The following CAPSL variants were observed in gnomAD, a reference collection of about 807,000 sequenced individuals.
CAPSL encodes calcyphosine like, also known as calcyphosin-like protein.
CAPSL carries 17 observed loss-of-function variants against 21.3 expected under a neutral mutation model. The ratio of observed to expected loss-of-function variants is 0.80; its 90% confidence interval spans 0.55 to 1.20. CAPSL has a LOEUF of 1.20. CAPSL is among the 50% of genes most tolerant of loss of function. The pLI, the probability that CAPSL is intolerant of heterozygous loss-of-function variation, is 0.00. For synonymous variants in CAPSL, 102 were observed against 89.3 expected (o/e 1.14, Z -0.80); for missense variants, 289 against 259.3 (o/e 1.11, Z -0.79).
At chr5:35,920,443 G>A (rs1738507308) in intron 2 of CAPSL, among the ~76,000 whole-genome samples, 2 of 152,270 alleles carry the variant, frequency 1.3e-5, no homozygotes, top group South Asian at 4.1e-4. Context: ...TGGTTTCTCA[G>A]TCCTTAAAAC....
intron 4 of CAPSL, among the ~76,000 whole-genome samples, chr5:35,907,600 T>G (rs1357829874): frequency 1.3e-5 from 2 of 152,164 alleles, no homozygotes; most frequent in African/African-American, 4.8e-5. Context: ...AGTGAGGTAT[T>G]AGTGCAAGAT....
In CAPSL at chr5:35,931,119, T is replaced by C. The variant is rs966990811; in HGVS notation, c.-1+7422A>G. ...CTCTTTGTATTATCTGTTTAATCTG[T>C]TGTTGGTCAGGTCTTCAGTCACTTG... On this transcript the variant is annotated intron_variant, in intron 1 of 4. Transcript: ENST00000651391. Among the ~76,000 whole-genome samples, 4 of 152,350 alleles carry C rather than the reference T, an allele frequency of 2.6e-5. No individual in the cohort carries two copies. The East Asian group carries it at 5.8e-4, about 22-fold the overall frequency.
intron 1 of CAPSL, among the ~76,000 whole-genome samples, chr5:35,931,808 T>G (rs562171255): frequency 6.6e-6 from 1 of 152,366 alleles, no homozygotes; most frequent in South Asian, 2.1e-4. Flanking sequence ...TCAGTGTTTA[T>G]GTGCTTAAGA....
chr5:35,920,472 A>G (rs1171356823), intron 2 of CAPSL, among the ~76,000 whole-genome samples: 1 of 152,172 alleles, frequency 6.6e-6, no homozygotes, highest in Non-Finnish European at 1.5e-5. Flanking sequence ...CTCAGAGGAC[A>G]GAGGGTGGGA....
At chr5:35,915,533 C>A (rs1371580098) in intron 2 of CAPSL, among the ~76,000 whole-genome samples, 2 of 152,168 alleles carry the variant, frequency 1.3e-5, no homozygotes, top group Non-Finnish European at 2.9e-5. Context: ...GGCTTCATCC[C>A]TGGGATGCAA....
At chr5:35,916,507 A>G (rs1033855053) in intron 2 of CAPSL, among the ~76,000 whole-genome samples, 1 of 152,214 alleles carries the variant, frequency 6.6e-6, no homozygotes, top group Admixed American at 6.5e-5. Context: ...TACTGGTACC[A>G]AAACAGAGAT....
chr5:35,910,579 T>G (rs889001675), intron 2 of CAPSL, 36 bp from the exon 3 acceptor site: 1 of 1,458,660 alleles, frequency 6.9e-7, no homozygotes, highest in African/African-American at 1.4e-5. Context: ...AGAAGAAATG[T>G]ACAAATAACA....
intron 1 of CAPSL, among the ~76,000 whole-genome samples, chr5:35,932,722 T>G (rs1738852444): frequency 6.6e-6 from 1 of 152,180 alleles, no homozygotes; most frequent in Non-Finnish European, 1.5e-5. Flanking sequence ...CACAAAACTA[T>G]GTGGAGCATG....
At chr5:35,930,065 A>G (rs1407584010) in intron 1 of CAPSL, among the ~76,000 whole-genome samples, 3 of 152,234 alleles carry the variant, frequency 2.0e-5, no homozygotes, top group Non-Finnish European at 2.9e-5. Flanking sequence ...ATGTATGAAT[A>G]TATGAAACAT....
chr5:35,904,465 T>C lies in CAPSL; in HGVS notation c.*80A>G. On this transcript the variant is annotated 3_prime_UTR_variant, in exon 5 of 5. Coordinates refer to ENST00000651391, the MANE Select transcript of CAPSL (RefSeq NM_001042625.2). ...ACATTAGGATGAGTGTGAAATCAAA[T>C]ACGATTCTGGTTTTTGAGCTGACAT... 9.6e-7 allele frequency: 1 copy of C among 1,039,936 alleles called. No individual in the cohort carries two copies. The highest frequency in any genetic ancestry group is 1.5e-6 in the Non-Finnish European group (1 of 684,646). 64.4% of individuals were successfully genotyped at this position (1,039,936 alleles called of 1,614,324 possible).
chr5:35,912,403 G>C (rs1191905693), intron 2 of CAPSL, among the ~76,000 whole-genome samples: 1 of 152,234 alleles, frequency 6.6e-6, no homozygotes, highest in East Asian at 1.9e-4. Context: ...ATAATGGACA[G>C]ACTGCCTCCT....
intron 1 of CAPSL, among the ~76,000 whole-genome samples, chr5:35,931,771 A>G (rs1291014987): frequency 6.6e-6 from 1 of 152,256 alleles, no homozygotes; most frequent in Non-Finnish European, 1.5e-5. Context: ...AAACCAAGAC[A>G]AAAGAAAAGT....
intron 2 of CAPSL, among the ~76,000 whole-genome samples, chr5:35,919,170 A>ATATATATATAT (rs1554069748): frequency 8.2e-6 from 1 of 121,274 alleles, no homozygotes. Context: ...TAAAAAAAAA[A>ATATATATATAT]ATATATATAT....
intron 1 of CAPSL, among the ~76,000 whole-genome samples, chr5:35,922,973 C>G (rs886105314): frequency 2.6e-5 from 4 of 152,114 alleles, no homozygotes; most frequent in African/African-American, 9.7e-5. Context: ...GCGCCCCATC[C>G]CCACCCCAAC....
chr5:35,915,836 C>T (rs893008084), intron 2 of CAPSL, among the ~76,000 whole-genome samples: 1 of 152,164 alleles, frequency 6.6e-6, no homozygotes, highest in Non-Finnish European at 1.5e-5. Context: ...CACTCCTATT[C>T]AACATAGTGT....
intron 1 of CAPSL, among the ~76,000 whole-genome samples, chr5:35,932,262 T>G (rs577190868): frequency 1.3e-5 from 2 of 152,108 alleles, no homozygotes; most frequent in East Asian, 3.9e-4. Flanking sequence ...CTGAAAATGA[T>G]AGAGATTTAC....
intron 3 of CAPSL, 91 bp downstream of exon 3, chr5:35,910,274 TA>T: frequency 7.2e-7 from 1 of 1,398,010 alleles, no homozygotes; most frequent in Non-Finnish European, 9.8e-7. Flanking sequence ...CACAGTGTAC[TA>T]ACAACTTGTA....
In CAPSL at chr5:35,910,504, A is replaced by G; in HGVS notation, c.177T>C (p.Leu59=). The G allele has an allele frequency of 3.7e-6, 6 of 1,612,080 alleles. No individual in the cohort carries two copies. Among genetic ancestry groups the G allele is most frequent in the Non-Finnish European group, 5.1e-6 (6 of 1,178,712 alleles). The part of the protein sequence containing the change: ...RIMDDDNNRT[L]DFKEFMKGLN... Reference sequence around the variant, plus strand: ...ACCCTTTCATAAATTCTTTAAAATCAAGGGTTCGATTATTATCGTCATCCA... The same window carrying G: ...ACCCTTTCATAAATTCTTTAAAATCGAGGGTTCGATTATTATCGTCATCCA... The change falls in exon 3 of 5, where the codon CTT becomes CTC. Residue 59 remains leucine (L), a synonymous_variant. Coordinates refer to ENST00000651391, the MANE Select transcript of CAPSL (RefSeq NM_001042625.2).
At chr5:35,921,497 A>T (rs902108745) in intron 1 of CAPSL, among the ~76,000 whole-genome samples, 2 of 152,138 alleles carry the variant, frequency 1.3e-5, no homozygotes, top group African/African-American at 2.4e-5. Flanking sequence ...TGACCCTCAC[A>T]TTTAATGTTC....
Sources: allele counts gnomAD v4.1 joint callset (sites outside exome capture counted in the v4.1 genomes callset), GRCh38; gene constraint gnomAD v4.1.1; transcripts MANE v1.5; gene names NCBI Gene and HGNC (gene_info 2026-07-23, HGNC 2026-07-21).